WDPCP: variants seen among roughly 807,000 people sequenced by gnomAD.
WDPCP encodes the protein WD repeat containing planar cell polarity effector, also known as WD repeat-containing and planar cell polarity effector protein fritz homolog.
Under a neutral mutation model 93.1 loss-of-function variants are expected in WDPCP, and 71 were observed. That is an observed-to-expected ratio of 0.76 (90% CI 0.63 to 0.93). The LOEUF (loss-of-function observed/expected upper bound fraction) is 0.93, where lower values mean the gene tolerates loss of function less well. Among genes scored for constraint, WDPCP ranks in the 40% least tolerant of loss-of-function variants. WDPCP has a pLI of 0.00. For missense variants in WDPCP, 844 were observed against 887.4 expected, an observed-to-expected ratio of 0.95 and a Z score of 0.62; for synonymous variants, 315 against 315.0, an observed-to-expected ratio of 1.00 and a Z score of 0.00.
intron 4 of WDPCP, among the ~76,000 whole-genome samples, chr2:63,485,245 G>A (rs577881232): frequency 7.3e-5 from 11 of 151,706 alleles, no homozygotes; most frequent in Non-Finnish European, 1.0e-4. Flanking sequence ...AGTTTGCTAG[G>A]CTTGTGAATC....
intron 2 of WDPCP, among the ~76,000 whole-genome samples, chr2:63,651,105 G>C (rs538462621): frequency 6.6e-6 from 1 of 152,112 alleles, no homozygotes; most frequent in Admixed American, 6.5e-5. Flanking sequence ...CAACAATATG[G>C]TTCCTAGGTT....
intron 14 of WDPCP, among the ~76,000 whole-genome samples, chr2:63,246,409 C>T (rs563275941): frequency 6.6e-6 from 1 of 152,240 alleles, no homozygotes; most frequent in East Asian, 1.9e-4. Context: ...CTGAAATTCT[C>T]ATTAAAAAAT....
At chr2:63,308,696 G>A (rs984714244) in intron 13 of WDPCP, among the ~76,000 whole-genome samples, 2 of 152,102 alleles carry the variant, frequency 1.3e-5, no homozygotes, top group African/African-American at 4.8e-5. Flanking sequence ...TGAAGAGTGA[G>A]AACACATGGA....
intron 2 of WDPCP, among the ~76,000 whole-genome samples, chr2:63,788,287 C>T (rs1462493105): frequency 6.6e-6 from 1 of 152,096 alleles, no homozygotes; most frequent in Non-Finnish European, 1.5e-5. Context: ...AGCAATATGT[C>T]ATTGGTGGGT....
chr2:63,441,761 C>T lies in WDPCP; in HGVS notation c.385-1890G>A, dbSNP rs563698711. On this transcript the variant is annotated intron_variant, in intron 6 of 17. Coordinates refer to ENST00000272321, the MANE Select transcript of WDPCP (RefSeq NM_015910.7). Reference sequence around the variant, plus strand: ...CAGTGATCAGGAGCTCACTGCTTCACAGGAAAACTATTCTACCATGGGTCA... The same window carrying T: ...CAGTGATCAGGAGCTCACTGCTTCATAGGAAAACTATTCTACCATGGGTCA... The T allele has an allele frequency of 2.6e-5, 4 of 152,230 alleles. No individual in the cohort carries two copies. The South Asian group carries it at 8.3e-4, about 32-fold the overall frequency. 9.4% of individuals were successfully genotyped at this position (152,230 alleles called of 1,614,324 possible).
intron 17 of WDPCP, among the ~76,000 whole-genome samples, chr2:63,142,849 T>TAC (rs1197867756): frequency 7.6e-6 from 1 of 132,186 alleles, no homozygotes; most frequent in Non-Finnish European, 1.6e-5. Flanking sequence ...TGTGTGTGTG[T>TAC]ACACACATAT....
chr2:63,731,267 C>CAAAAA (rs532671655), intron 2 of WDPCP, among the ~76,000 whole-genome samples: 1 of 59,858 alleles, frequency 1.7e-5, no homozygotes. Context: ...GAATCCGTCT[C>CAAAAA]AAAAAAAAAA....
intron 6 of WDPCP, among the ~76,000 whole-genome samples, chr2:63,444,117 T>C (rs779179175): frequency 3.2e-4 from 49 of 151,958 alleles, no homozygotes; most frequent in Non-Finnish European, 5.1e-4. Flanking sequence ...AAAAAATGAG[T>C]GGAAAGACAG....
chr2:63,517,535 A>C (rs1459410133), intron 1 of WDPCP, among the ~76,000 whole-genome samples: 1 of 152,200 alleles, frequency 6.6e-6, no homozygotes, highest in African/African-American at 2.4e-5. Flanking sequence ...TTTTTCTTAT[A>C]ATAAAACATT....
intron 15 of WDPCP, among the ~76,000 whole-genome samples, chr2:63,167,854 C>T (rs1673099364): frequency 6.6e-6 from 1 of 152,120 alleles, no homozygotes; most frequent in Non-Finnish European, 1.5e-5. Flanking sequence ...GTGGCTCACG[C>T]CTATAATCCC....
At chr2:63,372,953 A>G (rs10197437) in intron 12 of WDPCP, among the ~76,000 whole-genome samples, 121,356 of 151,930 alleles carry the variant, frequency 0.8, 49,324 homozygotes, top group East Asian at 0.96. Context: ...GAGAAACCCC[A>G]TCTCTACTAA....
At chr2:63,340,028 C>T (rs1688724252) in intron 12 of WDPCP, among the ~76,000 whole-genome samples, 1 of 152,018 alleles carries the variant, frequency 6.6e-6, no homozygotes, top group Non-Finnish European at 1.5e-5. Context: ...TTACTTAGTC[C>T]TTTTGGGAAG....
intron 6 of WDPCP, among the ~76,000 whole-genome samples, chr2:63,449,470 T>C (rs1698079984): frequency 6.6e-6 from 1 of 151,316 alleles, no homozygotes; most frequent in Admixed American, 6.6e-5. Flanking sequence ...AGAGAAGTCA[T>C]GGGAAACACC....
intron 12 of WDPCP, among the ~76,000 whole-genome samples, chr2:63,330,666 G>A (rs1207357237): frequency 5.9e-5 from 9 of 151,952 alleles, no homozygotes; most frequent in Non-Finnish European, 1.2e-4. Context: ...AAAACCAATG[G>A]CAAGAAACTT....
rs146436272 is a variant in WDPCP, at chr2:63,339,675, C to T, written c.1749-26364G>A. Among the ~76,000 whole-genome samples the T allele has an allele frequency of 1.1e-3, 173 of 152,154 alleles. 1 individual carries two copies. The highest frequency in any genetic ancestry group is 3.9e-3 in the African/African-American group (161 of 41,516). On this transcript the variant is annotated intron_variant, in intron 12 of 17. Coordinates refer to ENST00000272321, the MANE Select transcript of WDPCP (RefSeq NM_015910.7). ...CTTCTCCTTTTCCAGTTTGGATGCC[C>T]TTTCTCTTCTTTTCTCTTGCCTAAT...
At chr2:63,268,959 C>A (rs918644247) in intron 13 of WDPCP, among the ~76,000 whole-genome samples, 1 of 151,822 alleles carries the variant, frequency 6.6e-6, no homozygotes, top group African/African-American at 2.4e-5. Context: ...TGTTATCTGT[C>A]AATTAAAAAT....
intron 2 of WDPCP, among the ~76,000 whole-genome samples, chr2:63,693,445 A>AGATG (rs915699451): frequency 5.1e-5 from 7 of 137,448 alleles, no homozygotes; most frequent in Non-Finnish European, 9.6e-5. Context: ...GATATTAGAT[A>AGATG]GATAGATAGA....
At chr2:63,514,785 G>A (rs912805015) in intron 1 of WDPCP, among the ~76,000 whole-genome samples, 4 of 152,160 alleles carry the variant, frequency 2.6e-5, no homozygotes. Context: ...GATGTGGATA[G>A]AGAGAGAGTG....
rs538239669 is a variant in WDPCP, at chr2:63,825,061, G to A, written n.222+2561C>T. Among the ~76,000 whole-genome samples, 15 of 152,172 alleles carry A rather than the reference G, an allele frequency of 9.9e-5. No homozygotes were observed. The South Asian group carries it at 1.9e-3, about 19-fold the overall frequency. Reference sequence around the variant, plus strand: ...CTTTAAGACCTTAATAAATTTGGGCGCGAGATAAATTTTTAAAATTACAAA... The same window carrying A: ...CTTTAAGACCTTAATAAATTTGGGCACGAGATAAATTTTTAAAATTACAAA... On this transcript the variant is annotated intron_variant and non_coding_transcript_variant, in intron 1 of 4. Coordinates refer to the WDPCP transcript ENST00000467687.
Sources: gnomAD v4.1 joint callset for allele counts (sites outside exome capture counted in the v4.1 genomes callset) on GRCh38, gnomAD v4.1.1 for gene constraint, MANE v1.5 for transcripts, NCBI Gene and HGNC (gene_info 2026-07-23, HGNC 2026-07-21) for gene names.